The following KCTD8 variants were observed in gnomAD, a reference collection of about 807,000 sequenced individuals.
KCTD8 encodes potassium channel tetramerization domain containing 8, also known as BTB/POZ domain-containing protein KCTD8.
A neutral mutation model predicts 31.5 loss-of-function variants in KCTD8; 27 were observed. The ratio of observed to expected loss-of-function variants is 0.86; its 90% CI spans 0.63 to 1.18. The LOEUF is 1.18. KCTD8 is among the 50% of genes most tolerant of loss of function. KCTD8 has a pLI of 0.00. For synonymous variants in KCTD8, 290 were observed against 280.0 expected, an observed-to-expected ratio of 1.04 and a Z score of -0.36; for missense variants, 658 against 647.7, an observed-to-expected ratio of 1.02 and a Z score of -0.17.
At chr4:44,413,603 T>C (rs966957744) in intron 1 of KCTD8, among the ~76,000 whole-genome samples, 1 of 147,262 alleles carries the variant, frequency 6.8e-6, no homozygotes, top group African/African-American at 2.7e-5. Flanking sequence ...AAGGGTAGTT[T>C]GGAAATCCAA....
In KCTD8 at chr4:44,183,444, A is replaced by T. The variant is rs190283218; in HGVS notation, c.962-8194T>A. On this transcript the variant is annotated intron_variant, in intron 1 of 1. Coordinates refer to ENST00000360029, the MANE Select transcript of KCTD8 (RefSeq NM_198353.3). ...AGCAGTAGTAAAAAACATTATATTA[A>T]GTAAAATGTCACAAATAGAAAATAT... Among the ~76,000 whole-genome samples, 1,169 of 152,330 alleles carry T rather than the reference A, an allele frequency of 7.7e-3. 15 individuals carry two copies. The highest frequency in any genetic ancestry group is 0.026 in the African/African-American group (1,091 of 41,580).
At chr4:44,309,195 C>G (rs1717884134) in intron 1 of KCTD8, among the ~76,000 whole-genome samples, 1 of 151,896 alleles carries the variant, frequency 6.6e-6, no homozygotes, top group South Asian at 2.1e-4. Flanking sequence ...ACCACTATGT[C>G]TGGCTAATTT....
chr4:44,263,747 A>C (rs1218180214), intron 1 of KCTD8, among the ~76,000 whole-genome samples: 1 of 152,140 alleles, frequency 6.6e-6, no homozygotes, highest in Non-Finnish European at 1.5e-5. Context: ...CATGAAGCTG[A>C]ATTTGCCACT....
At chr4:44,434,682 A>AATC (rs1428932958) in intron 1 of KCTD8, among the ~76,000 whole-genome samples, 1 of 151,952 alleles carries the variant, frequency 6.6e-6, no homozygotes, top group East Asian at 1.9e-4. Context: ...TAACTGAAGA[A>AATC]ATCATCAGTT....
At chr4:44,188,272 A>G (rs1713651334) in intron 1 of KCTD8, among the ~76,000 whole-genome samples, 1 of 152,198 alleles carries the variant, frequency 6.6e-6, no homozygotes. Context: ...TCGGTGCAGA[A>G]TCATCATGAT....
At chr4:44,314,883 A>C (rs1347512854) in intron 1 of KCTD8, among the ~76,000 whole-genome samples, 2 of 149,138 alleles carry the variant, frequency 1.3e-5, no homozygotes, top group African/African-American at 4.9e-5. Flanking sequence ...ATTGTGAAAA[A>C]AAAAACAGGA....
At chr4:44,281,125 A>T (rs1474688854) in intron 1 of KCTD8, among the ~76,000 whole-genome samples, 1 of 77,002 alleles carries the variant, frequency 1.3e-5, no homozygotes, top group East Asian at 4.1e-4. Context: ...GCTGGTGAGG[A>T]TTAGCACGAG....
chr4:44,366,984 C>T (rs1310650088), intron 1 of KCTD8, among the ~76,000 whole-genome samples: 1 of 152,150 alleles, frequency 6.6e-6, no homozygotes, highest in African/African-American at 2.4e-5. Flanking sequence ...TAAAGCCCTG[C>T]ATGAGTGGCT....
intron 1 of KCTD8, among the ~76,000 whole-genome samples, chr4:44,385,680 CAG>C (rs1720194722): frequency 6.6e-6 from 1 of 151,414 alleles, no homozygotes; most frequent in Non-Finnish European, 1.5e-5. Flanking sequence ...CATGCGAAAA[CAG>C]AAAAATAGAT....
intron 1 of KCTD8, among the ~76,000 whole-genome samples, chr4:44,407,832 T>C (rs1160321819): frequency 6.6e-6 from 1 of 152,188 alleles, no homozygotes; most frequent in Non-Finnish European, 1.5e-5. Context: ...ATATTTATTA[T>C]ATATTAAACT....
intron 1 of KCTD8, among the ~76,000 whole-genome samples, chr4:44,307,993 C>A (rs939161892): frequency 5.3e-5 from 8 of 151,946 alleles, no homozygotes; most frequent in Non-Finnish European, 1.2e-4. Context: ...GGGAATACGA[C>A]CCATATTACA....
intron 1 of KCTD8, among the ~76,000 whole-genome samples, chr4:44,252,708 G>A (rs1715878352): frequency 6.6e-6 from 1 of 151,604 alleles, no homozygotes; most frequent in Non-Finnish European, 1.5e-5. Flanking sequence ...TTGCCCTAGT[G>A]TAATTTTTAA....
chr4:44,197,487 G>C (rs942622265), intron 1 of KCTD8, among the ~76,000 whole-genome samples: 2 of 152,060 alleles, frequency 1.3e-5, no homozygotes, highest in Non-Finnish European at 2.9e-5. Flanking sequence ...AAATACAAAA[G>C]AGCCAATCTG....
chr4:44,238,356 C>G (rs993413533), intron 1 of KCTD8, among the ~76,000 whole-genome samples: 3 of 151,990 alleles, frequency 2.0e-5, no homozygotes, highest in Non-Finnish European at 4.4e-5. Flanking sequence ...TAAACTTATC[C>G]TGGTTGTGAT....
At chr4:44,247,326 C>A (rs957397760) in intron 1 of KCTD8, among the ~76,000 whole-genome samples, 1 of 151,964 alleles carries the variant, frequency 6.6e-6, no homozygotes, top group Non-Finnish European at 1.5e-5. Flanking sequence ...TTAATCACTC[C>A]TAATAGTTCC....
At chr4:44,388,936 C>G (rs944721184) in intron 1 of KCTD8, among the ~76,000 whole-genome samples, 17 of 151,712 alleles carry the variant, frequency 1.1e-4, no homozygotes, top group African/African-American at 3.9e-4. Context: ...GAGTATTATT[C>G]AGCCATAAAA....
chr4:44,408,659 G>T (rs892906626), intron 1 of KCTD8, among the ~76,000 whole-genome samples: 1 of 152,104 alleles, frequency 6.6e-6, no homozygotes, highest in African/African-American at 2.4e-5. Context: ...TTGCGCTGTT[G>T]CCAGCCTGGA....
intron 1 of KCTD8, among the ~76,000 whole-genome samples, chr4:44,202,573 A>C (rs1714182721): frequency 6.6e-6 from 1 of 152,158 alleles, no homozygotes; most frequent in African/African-American, 2.4e-5. Context: ...TGGGAGCTAA[A>C]CATTGAATAC....
intron 1 of KCTD8, among the ~76,000 whole-genome samples, chr4:44,328,981 T>C (rs1443305049): frequency 6.6e-6 from 1 of 151,886 alleles, no homozygotes; most frequent in Non-Finnish European, 1.5e-5. Flanking sequence ...GCTTTTGTTT[T>C]CTCATCTACA....
Sources: allele counts gnomAD v4.1 joint callset (sites outside exome capture counted in the v4.1 genomes callset), GRCh38; gene constraint gnomAD v4.1.1; transcripts MANE v1.5; gene names NCBI Gene and HGNC (gene_info 2026-07-23, HGNC 2026-07-21).